The following SERPINB8 variants were observed in gnomAD, a reference collection of about 807,000 sequenced individuals.
SERPINB8 encodes serpin family B member 8.
SERPINB8 carries 25 observed loss-of-function variants against 35.3 expected under a neutral mutation model. The ratio of observed to expected loss-of-function variants is 0.71; its 90% CI spans 0.52 to 0.99. SERPINB8 has a LOEUF of 0.99. Ranked by LOEUF, SERPINB8 falls within the 50% of genes least tolerant of loss-of-function variation. SERPINB8 has a pLI of 0.00. For missense variants in SERPINB8, 484 were observed against 446.5 expected, an observed-to-expected ratio of 1.08 and a Z score of -0.76; for synonymous variants, 186 against 160.8, an observed-to-expected ratio of 1.16 and a Z score of -1.19.
chr18:63,978,544 C>A, intron 2 of SERPINB8, 68 bp downstream of exon 2: 1 of 1,570,952 alleles, frequency 6.4e-7, no homozygotes, highest in Non-Finnish European at 8.7e-7. Flanking sequence ...AGCTGTCTTT[C>A]TGTACTTTTG....
At chr18:64,018,126 C>CT (rs1174563889) in intron 7 of SERPINB8, among the ~76,000 whole-genome samples, 1 of 152,112 alleles carries the variant, frequency 6.6e-6, no homozygotes, top group Non-Finnish European at 1.5e-5. Flanking sequence ...CAAATGACAA[C>CT]TTTTTTATTT....
rs542210121 is a variant in SERPINB8 at position 64,002,953 on chromosome 18, C to A, written c.71-1866C>A. 7.9e-5 allele frequency among the ~76,000 whole-genome samples: 12 copies of A among 152,318 alleles called. 1 individual carries two copies. Among genetic ancestry groups the A allele is most frequent in the African/African-American group, 2.4e-4 (10 of 41,578 alleles). On this transcript the variant is annotated intron_variant, in intron 1 of 1. Transcript: ENST00000493661. ...ATAAGGTCTGTGGGTGTCTGCAGGC[C>A]CGAATGGAAGCCCCCGGCACGCTCA...
At chr18:63,991,620 C>T (rs975139463), downstream of SERPINB8, among the ~76,000 whole-genome samples, 2 of 151,970 alleles carry the variant, frequency 1.3e-5, no homozygotes, top group Non-Finnish European at 2.9e-5. Flanking sequence ...TTTCTAGTTC[C>T]ATGTCTGCTA....
chr18:63,978,604 A>C, intron 2 of SERPINB8, 128 bp downstream of exon 2: 1 of 1,001,594 alleles, frequency 1.0e-6, no homozygotes, highest in Non-Finnish European at 1.5e-6. Flanking sequence ...GCAGCTCGGC[A>C]GTGGAGAAGA....
chr18:64,012,303 G>A (rs1386510167), intron 7 of SERPINB8, among the ~76,000 whole-genome samples: 1 of 151,836 alleles, frequency 6.6e-6, no homozygotes, highest in African/African-American at 2.4e-5. Context: ...TTAGAGATGA[G>A]GTCATTTTAG....
At chr18:63,992,873 G>T (rs530162580), downstream of SERPINB8, among the ~76,000 whole-genome samples, 1 of 151,988 alleles carries the variant, frequency 6.6e-6, no homozygotes, top group Non-Finnish European at 1.5e-5. Context: ...ATTGTCAGTC[G>T]GCCGTTTGGT....
At chr18:64,005,153 A>G (rs1015037961) in exon 2 of SERPINB8, 1 of 282,150 alleles carries the variant, frequency 3.5e-6, no homozygotes, top group Non-Finnish European at 6.5e-6. Flanking sequence ...GCACAGTGAA[A>G]TACCACCACA....
At chr18:64,018,457 A>ATCC (rs1370072914) in intron 7 of SERPINB8, among the ~76,000 whole-genome samples, 1 of 152,232 alleles carries the variant, frequency 6.6e-6, no homozygotes, top group Non-Finnish European at 1.5e-5. Context: ...AATATTACTC[A>ATCC]TCTAGTTTTA....
At position 63,987,456 on chromosome 18, in the gene SERPINB8, A is replaced by G. The variant is rs1230389072; in HGVS notation, c.*178A>G. On this transcript the variant is annotated 3_prime_UTR_variant, in exon 7 of 7. Coordinates refer to ENST00000397985, the MANE Select transcript of SERPINB8 (RefSeq NM_002640.4). ...CCATTGAGAATAACTGAGGCCGCAG[A>G]TGCATGAAATTTGGGCCTGGGAAGG... The G allele has an allele frequency of 1.5e-6, 1 of 679,926 alleles. No individual in the cohort carries two copies. Among genetic ancestry groups the G allele is most frequent in the Non-Finnish European group, 2.4e-6 (1 of 420,696 alleles). The allele number at this position is 679,926 out of a possible 1,614,324, so 42.1% of individuals were successfully genotyped here. A position where few individuals can be genotyped will look rare whatever the true frequency, so the allele number is the denominator to read the frequency against.
intron 7 of SERPINB8, among the ~76,000 whole-genome samples, chr18:64,012,332 C>G (rs896257103): frequency 2.0e-5 from 3 of 151,982 alleles, no homozygotes; most frequent in African/African-American, 7.2e-5. Context: ...AAATATGGTA[C>G]AATTTATTTA....
At chr18:63,989,389 C>G (rs2050808039), downstream of SERPINB8, 2 of 152,178 alleles carry the variant, frequency 1.3e-5, no homozygotes, top group African/African-American at 4.8e-5. Flanking sequence ...TTTGTATGGA[C>G]ATATGTCTTC....
At chr18:64,009,904 A>T (rs1015630376), downstream of SERPINB8, among the ~76,000 whole-genome samples, 2 of 152,206 alleles carry the variant, frequency 1.3e-5, no homozygotes, top group African/African-American at 4.8e-5. Context: ...TATTTGTGAC[A>T]AAACAATAAG....
intron 4 of SERPINB8, among the ~76,000 whole-genome samples, chr18:63,983,097 G>C (rs2050697175): frequency 6.6e-6 from 1 of 152,164 alleles, no homozygotes; most frequent in African/African-American, 2.4e-5. Flanking sequence ...AGACAATCTT[G>C]GTTGTCAAAA....
intron 3 of SERPINB8, among the ~76,000 whole-genome samples, 183 bp from the exon 4 acceptor site, chr18:63,981,538 T>C (rs887726381): frequency 6.6e-6 from 1 of 152,202 alleles, no homozygotes; most frequent in African/African-American, 2.4e-5. Flanking sequence ...CCAAGCACCT[T>C]GCCCAGTACC....
chr18:64,008,394 C>T (rs2050910166), downstream of SERPINB8, among the ~76,000 whole-genome samples: 1 of 151,998 alleles, frequency 6.6e-6, no homozygotes, highest in Non-Finnish European at 1.5e-5. Context: ...AGGCCCCTGC[C>T]ACCACGCGGG....
rs2050674690 is a variant in SERPINB8 at position 63,981,751 on chromosome 18, C to G, written c.337C>G (p.Gln113Glu). Residue 113 changes from glutamine (Q) to glutamate (E), a missense_variant, in exon 4 of 7, where the codon CAG becomes GAG. Gln to Glu is a conservative substitution (Grantham distance 29). Transcript: ENST00000397985. ...DFKEYCQKFY[Q>E]AELEELSFAE... ...TAAAGAATACTGTCAGAAGTTCTAT[C>G]AGGCAGAGCTGGAGGAGTTGTCCTT... The G allele has an allele frequency of 6.2e-7, 1 of 1,613,474 alleles. No homozygotes were observed. The highest frequency in any genetic ancestry group is 1.1e-5 in the South Asian group (1 of 91,056).
intron 4 of SERPINB8, 85 bp from the exon 5 acceptor site, chr18:63,983,494 G>A: frequency 7.6e-7 from 1 of 1,312,584 alleles, no homozygotes; most frequent in Non-Finnish European, 1.1e-6. Context: ...TCTCAACCAA[G>A]CCTCTGCCTT....
downstream of SERPINB8, among the ~76,000 whole-genome samples, chr18:64,007,080 T>A (rs1174180944): frequency 6.6e-6 from 1 of 151,480 alleles, no homozygotes; most frequent in East Asian, 1.9e-4. Context: ...CCAGAAAGAT[T>A]AACTGCAATG....
At chr18:63,975,479 T>C (rs1224533429) in intron 1 of SERPINB8, among the ~76,000 whole-genome samples, 1 of 152,196 alleles carries the variant, frequency 6.6e-6, no homozygotes, top group Non-Finnish European at 1.5e-5. Context: ...AGGAATATTT[T>C]GTTCCATAAT....
Sources: allele counts gnomAD v4.1 joint callset (sites outside exome capture counted in the v4.1 genomes callset), GRCh38; gene constraint gnomAD v4.1.1; transcripts MANE v1.5; gene names NCBI Gene and HGNC (gene_info 2026-07-23, HGNC 2026-07-21).